The following CSMD3 variants were observed in gnomAD, a reference collection of about 807,000 sequenced individuals.
CSMD3 encodes CUB and Sushi multiple domains 3.
In CSMD3, 177 loss-of-function variants were observed where a neutral mutation model predicts 435.2. That is an observed-to-expected ratio of 0.41 (90% CI 0.36 to 0.46). The LOEUF (loss-of-function observed/expected upper bound fraction) is 0.46, where lower values mean the gene tolerates loss of function less well. CSMD3 is among the 20% of genes least tolerant of loss of function. The pLI is 0.34. For missense variants in CSMD3, 4,265 were observed against 4,504.6 expected (o/e 0.95, Z 1.52); for synonymous variants, 1,656 against 1,520.5 (o/e 1.09, Z -2.07).
chr8:113,032,202 G>A (rs1386677518), intron 5 of CSMD3, among the ~76,000 whole-genome samples: 2 of 151,632 alleles, frequency 1.3e-5, no homozygotes, highest in Non-Finnish European at 2.9e-5. Flanking sequence ...ATGAGGAAGC[G>A]ACTTTGGAAG....
intron 11 of CSMD3, among the ~76,000 whole-genome samples, chr8:112,837,216 T>A (rs1035509102): frequency 1.3e-5 from 2 of 151,812 alleles, no homozygotes; most frequent in East Asian, 1.9e-4. Flanking sequence ...CATGGTAAAG[T>A]CTGTATTTGT....
intron 3 of CSMD3, among the ~76,000 whole-genome samples, chr8:113,228,871 A>G (rs2093055310): frequency 6.6e-6 from 1 of 151,610 alleles, no homozygotes. Context: ...ACTGACGTGT[A>G]TAAGGCCTCA....
chr8:113,253,889 A>G (rs2093357264), intron 3 of CSMD3, among the ~76,000 whole-genome samples: 1 of 151,966 alleles, frequency 6.6e-6, no homozygotes, highest in African/African-American at 2.4e-5. Context: ...CCTCGCTGTG[A>G]CAGTTTATGT....
Position 112,802,227 on chromosome 8 carries a change from T to C in CSMD3, c.1860-1953A>G, listed in dbSNP as rs1219688900. 7.9e-5 allele frequency among the ~76,000 whole-genome samples: 12 copies of C among 152,166 alleles called. No individual in the cohort carries two copies. In the South Asian group the frequency reaches 2.3e-3, roughly 29 times the overall value. On this transcript the variant is annotated intron_variant, in intron 12 of 70. Transcript: ENST00000297405. ...TTGAAATTATAAGTTCCATTTATTT[T>C]AGATGTATCAAAATATTTTAATAGT...
intron 4 of CSMD3, among the ~76,000 whole-genome samples, chr8:113,117,324 G>A (rs930861139): frequency 5.9e-5 from 9 of 152,194 alleles, no homozygotes; most frequent in African/African-American, 1.9e-4. Context: ...GCAGGTGTGA[G>A]CACCAACCCT....
intron 31 of CSMD3, among the ~76,000 whole-genome samples, chr8:112,482,315 G>A (rs1235098816): frequency 2.6e-5 from 4 of 152,072 alleles, no homozygotes; most frequent in African/African-American, 7.2e-5. Context: ...TAATAGTTTT[G>A]GAGGGCATAG....
intron 10 of CSMD3, among the ~76,000 whole-genome samples, chr8:112,888,429 T>A (rs2081674784): frequency 6.6e-6 from 1 of 151,616 alleles, no homozygotes; most frequent in South Asian, 2.1e-4. Flanking sequence ...AAACTATGCA[T>A]GAATCAAAGA....
intron 5 of CSMD3, among the ~76,000 whole-genome samples, chr8:113,021,452 G>T (rs1052860980): frequency 6.6e-6 from 1 of 152,102 alleles, no homozygotes; most frequent in African/African-American, 2.4e-5. Flanking sequence ...ATATCCGTTA[G>T]GGAAAGTTTA....
Position 112,371,538 on chromosome 8 carries a change from T to C in CSMD3, c.6136+8814A>G, listed in dbSNP as rs143177261. On this transcript the variant is annotated intron_variant, in intron 38 of 70. Transcript: ENST00000297405. ...TAACCTGACTTCCAGCCCCCAGTCTTAAGTAAAATAGGAATTATGTTTTCT... is the reference window on the plus strand; with the variant it reads ...TAACCTGACTTCCAGCCCCCAGTCTCAAGTAAAATAGGAATTATGTTTTCT... Among the ~76,000 whole-genome samples the C allele has an allele frequency of 9.0e-3, 1,374 of 152,134 alleles. 9 individuals carry two copies. Among genetic ancestry groups the C allele is most frequent in the Non-Finnish European group, 0.014 (925 of 67,996 alleles).
At chr8:112,946,190 C>T (rs1328361937) in intron 9 of CSMD3, among the ~76,000 whole-genome samples, 1 of 151,670 alleles carries the variant, frequency 6.6e-6, no homozygotes, top group Non-Finnish European at 1.5e-5. Context: ...GTACATGTTA[C>T]TTTGTAATAG....
chr8:113,348,226 C>A (rs1243015833), intron 1 of CSMD3, among the ~76,000 whole-genome samples: 3 of 152,126 alleles, frequency 2.0e-5, no homozygotes, highest in African/African-American at 7.2e-5. Context: ...GCCTGTTGCT[C>A]TTCTAAATTG....
chr8:112,287,663 A>G (rs1013000594), intron 57 of CSMD3, among the ~76,000 whole-genome samples: 2 of 152,084 alleles, frequency 1.3e-5, no homozygotes, highest in African/African-American at 4.8e-5. Flanking sequence ...ATTACTGATA[A>G]TATTTTTATT....
At chr8:113,197,845 T>C (rs2132016228) in intron 3 of CSMD3, among the ~76,000 whole-genome samples, 1 of 151,402 alleles carries the variant, frequency 6.6e-6, no homozygotes, top group Non-Finnish European at 1.5e-5. Context: ...ATTATCTGTT[T>C]ATTAGATAGC....
intron 32 of CSMD3, among the ~76,000 whole-genome samples, chr8:112,455,029 T>TAA (rs540422362): frequency 6.9e-6 from 1 of 145,250 alleles, no homozygotes; most frequent in Admixed American, 6.9e-5. Context: ...GACCCTATAT[T>TAA]AAAAAAAAAA....
chr8:112,689,037 A>T (rs897322335), intron 14 of CSMD3, among the ~76,000 whole-genome samples: 2 of 152,106 alleles, frequency 1.3e-5, no homozygotes, highest in Non-Finnish European at 2.9e-5. Flanking sequence ...AGCTTTGGTA[A>T]ATCGAATCAG....
intron 5 of CSMD3, among the ~76,000 whole-genome samples, chr8:113,065,811 G>A (rs1014321): frequency 0.67 from 101,893 of 152,032 alleles, 35,694 homozygotes; most frequent in East Asian, 0.95. Context: ...TTATTAATTA[G>A]GTTCACAAAA....
At position 112,888,018 on chromosome 8, in the gene CSMD3, T is replaced by C. The variant is rs372138309; in HGVS notation, c.1634-28752A>G. On this transcript the variant is annotated intron_variant, in intron 10 of 70. Coordinates refer to ENST00000297405, the MANE Select transcript of CSMD3 (RefSeq NM_198123.2). ...TTTCCCCTACGTACATATATAACCATAGAACAGAAACAACAACAAAAATAA... is the reference window on the plus strand; with the variant it reads ...TTTCCCCTACGTACATATATAACCACAGAACAGAAACAACAACAAAAATAA... Among the ~76,000 whole-genome samples, 8 of 151,588 alleles carry C rather than the reference T, an allele frequency of 5.3e-5. No individual in the cohort carries two copies. The East Asian group carries it at 1.2e-3, about 22-fold the overall frequency.
intron 2 of CSMD3, among the ~76,000 whole-genome samples, chr8:113,305,422 A>G (rs1379159929): frequency 6.6e-6 from 1 of 152,202 alleles, no homozygotes; most frequent in South Asian, 2.1e-4. Context: ...GTTTGCTTTT[A>G]GGATATCAGT....
intron 13 of CSMD3, among the ~76,000 whole-genome samples, chr8:112,764,321 C>T (rs2077921508): frequency 1.3e-5 from 2 of 150,990 alleles, no homozygotes; most frequent in South Asian, 4.2e-4. Flanking sequence ...ACATATGATT[C>T]TTTGGAGTTT....
Sources: allele counts gnomAD v4.1 joint callset (sites outside exome capture counted in the v4.1 genomes callset), GRCh38; gene constraint gnomAD v4.1.1; transcripts MANE v1.5; gene names NCBI Gene and HGNC (gene_info 2026-07-23, HGNC 2026-07-21).